The following RC3H2 variants were observed in gnomAD, a reference collection of about 807,000 sequenced individuals.
RC3H2 encodes the protein ring finger and CCCH-type domains 2.
A neutral mutation model predicts 133.3 loss-of-function variants in RC3H2; 31 were observed. The ratio of observed to expected loss-of-function variants is 0.23; its 90% CI spans 0.17 to 0.31. RC3H2 has a LOEUF of 0.31. Ranked by LOEUF, RC3H2 falls within the 10% of genes least tolerant of loss-of-function variation. The probability of loss-of-function intolerance (pLI) is 1.00; values close to 1 mark genes in which losing one functional copy is unlikely to be tolerated. For synonymous variants in RC3H2, 517 were observed against 502.2 expected, an observed-to-expected ratio of 1.03 and a Z score of -0.40; for missense variants, 1,175 against 1,437.2, an observed-to-expected ratio of 0.82 and a Z score of 2.95.
Position 122,859,004 on chromosome 9 carries a change from C to T in RC3H2, c.1948G>A (p.Ala650Thr). Residue 650 changes from alanine (A) to threonine (T), a missense_variant, in exon 12 of 21, where the codon GCT (alanine) becomes ACT (threonine). This residue lies in a region of RC3H2 where 490 missense variants were observed against 492.8 expected (regional missense o/e 0.99). Transcript: ENST00000357244. ...TAATGATCGGCATATGGCATGGAAG[C>T]AGGTGGGAGGGAGGACTCTGGAACG... ...NNVPESSLPP[A>T]SMPYADHYST... 8.7e-6 allele frequency: 14 copies of T among 1,613,974 alleles called. No homozygotes were observed. Among genetic ancestry groups the T allele is most frequent in the Non-Finnish European group, 1.2e-5 (14 of 1,179,918 alleles).
intron 10 of RC3H2, among the ~76,000 whole-genome samples, chr9:122,864,470 C>G (rs1830564397): frequency 6.6e-6 from 1 of 152,074 alleles, no homozygotes. Context: ...TTAATCCTCG[C>G]AACCAACATA....
chr9:122,878,169 T>C (rs1374010329), intron 8 of RC3H2, among the ~76,000 whole-genome samples: 2 of 152,254 alleles, frequency 1.3e-5, no homozygotes, highest in Non-Finnish European at 2.9e-5. Context: ...AACATTTGTT[T>C]TTAATATTTT....
chr9:122,856,714 G>A (rs995071054), intron 13 of RC3H2, among the ~76,000 whole-genome samples: 1 of 152,128 alleles, frequency 6.6e-6, no homozygotes, highest in Non-Finnish European at 1.5e-5. Flanking sequence ...ATACTTATAG[G>A]ACCAGAATAC....
chr9:122,890,617 C>T, intron 3 of RC3H2, 72 bp from the exon 4 acceptor site: 1 of 1,175,134 alleles, frequency 8.5e-7, no homozygotes. Flanking sequence ...TCATTATCTG[C>T]ATTTAACGAT....
chr9:122,860,206 T>C, intron 10 of RC3H2, 75 bp from the exon 11 acceptor site: 1 of 1,094,438 alleles, frequency 9.1e-7, no homozygotes, highest in East Asian at 2.4e-5. Context: ...AAATTTTTAA[T>C]AAAATTATAT....
At chr9:122,875,513 G>A in intron 9 of RC3H2, 1 of 1,229,014 alleles carries the variant, frequency 8.1e-7, no homozygotes, top group Non-Finnish European at 1.1e-6. Context: ...CTGAGTGGTT[G>A]TAACAGATTC....
chr9:122,872,154 C>T (rs1309346770), intron 9 of RC3H2, among the ~76,000 whole-genome samples: 1 of 152,180 alleles, frequency 6.6e-6, no homozygotes, highest in Admixed American at 6.5e-5. Flanking sequence ...TGATTTTCTG[C>T]CCTGATGCAT....
chr9:122,885,982 G>C (rs1831894646), intron 4 of RC3H2, among the ~76,000 whole-genome samples: 2 of 152,196 alleles, frequency 1.3e-5, no homozygotes, highest in African/African-American at 4.8e-5. Context: ...CCGCCTCCTA[G>C]GTTCAAACGA....
intron 5 of RC3H2, among the ~76,000 whole-genome samples, chr9:122,881,052 G>C (rs565136694): frequency 1.3e-5 from 2 of 152,256 alleles, no homozygotes; most frequent in South Asian, 4.2e-4. Flanking sequence ...GAAAATTATA[G>C]TAAAAGTTAT....
chr9:122,859,252 CTTTTTT>C (rs10608695), intron 11 of RC3H2, 150 bp from the exon 12 acceptor site: 2,577 of 188,864 alleles, frequency 0.014, no homozygotes, highest in South Asian at 0.019. Flanking sequence ...TATACCCTGG[CTTTTTT>C]TTTTTTTTTT....
chr9:122,866,666 G>A (rs1393340452), intron 9 of RC3H2, among the ~76,000 whole-genome samples: 3 of 152,074 alleles, frequency 2.0e-5, no homozygotes, highest in East Asian at 1.9e-4. Context: ...CTCGGCCTCC[G>A]GAGGTGCCGG....
At chr9:122,855,466 CA>C in intron 14 of RC3H2, 69 bp from the exon 15 acceptor site, 1 of 1,405,820 alleles carries the variant, frequency 7.1e-7, no homozygotes, top group Admixed American at 1.7e-5. Flanking sequence ...TATATGCTAT[CA>C]AAAGACATGT....
chr9:122,858,240 TA>T, intron 12 of RC3H2, 147 bp from the exon 13 acceptor site: 1 of 698,634 alleles, frequency 1.4e-6, no homozygotes, highest in Non-Finnish European at 2.3e-6. Flanking sequence ...TCCATACACT[TA>T]AAATAAAAAG....
chr9:122,880,099 C>T lies in RC3H2; in HGVS notation c.987G>A (p.Lys329=). The T allele has an allele frequency of 6.2e-7, 1 of 1,614,182 alleles. No individual in the cohort carries two copies. The part of the protein sequence containing the change: ...DKLQSPESFA[K]SVQELTIVLQ... Reference sequence around the variant, plus strand: ...AAACAATTGTCAATTCCTGGACACTCTTTGCAAATGACTCTGGAGACTGTA... The same window carrying T: ...AAACAATTGTCAATTCCTGGACACTTTTTGCAAATGACTCTGGAGACTGTA... The change falls in exon 7 of 21, where the codon AAG becomes AAA. Residue 329 remains lysine, a synonymous_variant. Coordinates refer to ENST00000357244, the MANE Select transcript of RC3H2 (RefSeq NM_001100588.3).
chr9:122,859,980 T>C lies in RC3H2; in HGVS notation c.1786A>G (p.Ile596Val), dbSNP rs199901510. 1,436 of 1,614,042 alleles carry C rather than the reference T, an allele frequency of 8.9e-4. 2 individuals carry two copies. Among genetic ancestry groups the C allele is most frequent in the Non-Finnish European group, 1.1e-3 (1,306 of 1,180,014 alleles). The part of the protein sequence containing the change: ...VPVYPPHSEN[I>V]QYFQDPRTQI... ...GTCCTTGGATCTTGAAAATACTGAA[T>C]GTTTTCAGAATGCGGAGGATATACT... The change falls in exon 11 of 21, where the codon ATT (isoleucine) becomes GTT (valine). Residue 596 changes from isoleucine to valine, a missense_variant. By Grantham distance (29) the Ile-to-Val change is conservative. Transcript: ENST00000357244.
chr9:122,854,307 A>G, intron 16 of RC3H2, 41 bp from the exon 17 acceptor site: 4 of 1,518,936 alleles, frequency 2.6e-6, no homozygotes, highest in Non-Finnish European at 3.6e-6. Flanking sequence ...AAGTGAAGTG[A>G]ATGAAGCAAC....
intron 1 of RC3H2, among the ~76,000 whole-genome samples, chr9:122,900,928 A>C (rs1306697774): frequency 6.6e-6 from 1 of 152,186 alleles, no homozygotes; most frequent in Non-Finnish European, 1.5e-5. Context: ...CGCTCAAATA[A>C]TTTTCCAGAC....
chr9:122,905,297 CCTCCCT>C lies in RC3H2; in HGVS notation c.-261_-256del. Reference sequence around the variant, plus strand: ...GAAGGCCGCGACGGGGCCTCCTCCTCCTCCCTCCACCTCCGCCTCCTCCTCCTCCTC... The same window carrying C: ...GAAGGCCGCGACGGGGCCTCCTCCTCCCACCTCCGCCTCCTCCTCCTCCTC... On this transcript the variant is annotated 5_prime_UTR_variant, in exon 1 of 21. Coordinates refer to ENST00000357244, the MANE Select transcript of RC3H2 (RefSeq NM_001100588.3). 4.1e-6 allele frequency: 4 copies of C among 985,536 alleles called. No homozygotes were observed. The highest frequency in any genetic ancestry group is 4.8e-6 in the Non-Finnish European group (4 of 829,872). 61.0% of individuals were successfully genotyped at this position (985,536 alleles called of 1,614,324 possible). A position where few individuals can be genotyped will look rare whatever the true frequency, so the allele number is the denominator to read the frequency against.
At chr9:122,881,310 A>AAATACAAAACAGAAAAAAT (rs2131463142) in intron 5 of RC3H2, among the ~76,000 whole-genome samples, 1 of 152,152 alleles carries the variant, frequency 6.6e-6, no homozygotes, top group Non-Finnish European at 1.5e-5. Flanking sequence ...AACATGACGA[A>AAATACAAAACAGAAAAAAT]ACCCCATCTC....
Sources: gnomAD v4.1 joint callset for allele counts (sites outside exome capture counted in the v4.1 genomes callset) on GRCh38, gnomAD v4.1.1 for gene constraint, gnomAD v4.1.1 regional missense constraint, MANE v1.5 for transcripts, NCBI Gene and HGNC (gene_info 2026-07-23, HGNC 2026-07-21) for gene names.